KIF1C: variants seen among roughly 807,000 people sequenced by gnomAD.
KIF1C encodes kinesin-like protein KIF1C.
KIF1C carries 61 observed loss-of-function variants against 126.5 expected under a neutral mutation model. The observed-to-expected ratio is 0.48, with a 90% CI of 0.39 to 0.60. The LOEUF is 0.60. Ranked by LOEUF, KIF1C falls within the 20% of genes least tolerant of loss-of-function variation. KIF1C has a pLI of 0.00. For missense variants in KIF1C, 1,315 were observed against 1,489.2 expected (o/e 0.88, Z 1.93); for synonymous variants, 640 against 580.6 (o/e 1.10, Z -1.47).
chr17:5,004,875 A>C lies in KIF1C; in HGVS notation c.1040A>C (p.Gln347Pro). ...STLRYADRTK[Q>P]IRCNAIINED... is the part of the protein sequence containing the mutation. The stretch of plus-strand genomic sequence containing the variant: ...CCCAGGTATGCTGACCGCACCAAGC[A>C]AATCCGCTGCAATGCCATCATCAAC... Residue 347 changes from glutamine to proline, a missense_variant, in exon 13 of 23, where the codon CAA becomes CCA. Gln to Pro is a moderately conservative substitution (Grantham distance 76). Coordinates refer to ENST00000320785, the MANE Select transcript of KIF1C (RefSeq NM_006612.6). The C allele has an allele frequency of 6.2e-7, 1 of 1,614,248 alleles. No individual in the cohort carries two copies.
At position 5,023,759 on chromosome 17, in the gene KIF1C, G is replaced by A. The variant is rs550136320; in HGVS notation, c.2920G>A (p.Asp974Asn). 110 of 1,522,766 alleles carry A rather than the reference G, an allele frequency of 7.2e-5. 1 individual carries two copies. Among genetic ancestry groups the A allele is most frequent in the Admixed American group, 2.2e-4 (10 of 44,562 alleles). 94.3% of individuals were successfully genotyped at this position (1,522,766 alleles called of 1,614,324 possible). The change falls in exon 23 of 23, where the codon GAC (aspartate) becomes AAC (asparagine). Residue 974 changes from aspartate to asparagine, a missense_variant. Asp to Asn is a conservative substitution (Grantham distance 23). Coordinates refer to ENST00000320785, the MANE Select transcript of KIF1C (RefSeq NM_006612.6). This position sits in a 1 kb window ranked among gnomAD's most constrained non-coding sequence, Gnocchi z 4.2. ...CCCAGCCCGCTTTGTGCCCCCTCAC[G>A]ACTGCAAGCTACGCTTCCCCTTCAA... ...RPPARFVPPH[D>N]CKLRFPFKSN... is the part of the protein sequence containing the mutation.
At chr17:5,003,715 G>C (rs955824402) in intron 9 of KIF1C, 26 bp downstream of exon 9, 1 of 1,604,552 alleles carries the variant, frequency 6.2e-7, no homozygotes, top group African/African-American at 1.3e-5. Context: ...AGGGTGGTTT[G>C]TTGTGGGGCA....
chr17:5,011,304 G>T (rs1267741928), intron 16 of KIF1C, among the ~76,000 whole-genome samples: 1 of 152,120 alleles, frequency 6.6e-6, no homozygotes, highest in Non-Finnish European at 1.5e-5. Context: ...GCCTCCTCTT[G>T]CTAAGACCCC....
chr17:5,012,927 A>T (rs1340570261), intron 16 of KIF1C, among the ~76,000 whole-genome samples: 1 of 151,956 alleles, frequency 6.6e-6, no homozygotes, highest in Non-Finnish European at 1.5e-5. Context: ...CGTAACAATC[A>T]CTCAGGTGTT....
rs1268307080 is a variant in KIF1C, at chr17:5,001,299, A to G, written c.261A>G (p.Glu87=). 1 of 1,614,148 alleles carries G rather than the reference A, an allele frequency of 6.2e-7. No homozygotes were observed. The highest frequency in any genetic ancestry group is 1.1e-5 in the South Asian group (1 of 91,086). The part of the protein sequence containing the change: ...IGEEMLLHAF[E]GYNVCIFAYG... ...AAGAGATGCTGCTCCACGCCTTTGAAGGCTACAACGTGTGCATCTTTGCCT... is the reference window on the plus strand; with the variant it reads ...AAGAGATGCTGCTCCACGCCTTTGAGGGCTACAACGTGTGCATCTTTGCCT... Residue 87 remains glutamate (E), a synonymous_variant, in exon 5 of 23, where the codon GAA becomes GAG. Coordinates refer to ENST00000320785, the MANE Select transcript of KIF1C (RefSeq NM_006612.6).
rs553779877 is a variant in KIF1C, at chr17:5,023,716, C to G, written c.2877C>G (p.Gly959=). The change falls in exon 23 of 23, where the codon GGC becomes GGG. Residue 959 remains glycine, a synonymous_variant. Coordinates refer to ENST00000320785, the MANE Select transcript of KIF1C (RefSeq NM_006612.6). The surrounding 1 kb of genome is among the most constrained non-coding windows in gnomAD (Gnocchi z 4.2). The part of the protein sequence containing the change: ...LQGLQGSGGR[G]GGLRRPPARF... ...GACTGCAGGGCTCTGGGGGCCGGGG[C>G]GGGGGGCTGCGCAGGCCCCCAGCCC... 4 of 1,548,912 alleles carry G rather than the reference C, an allele frequency of 2.6e-6. No homozygotes were observed. In the South Asian group the frequency reaches 4.9e-5, roughly 19 times the overall value.
At chr17:5,012,782 TG>T (rs1974893936) in intron 16 of KIF1C, among the ~76,000 whole-genome samples, 1 of 152,034 alleles carries the variant, frequency 6.6e-6, no homozygotes, top group Non-Finnish European at 1.5e-5. Context: ...GTGGCATGAA[TG>T]GGGGTACAGA....
chr17:5,018,507 T>A (rs955469159), intron 18 of KIF1C, among the ~76,000 whole-genome samples: 1 of 151,700 alleles, frequency 6.6e-6, no homozygotes. Flanking sequence ...CTGACCAACA[T>A]GGAGAAACCC....
intron 1 of KIF1C, chr17:4,998,872 C>G (rs1368968841): frequency 6.6e-6 from 1 of 152,580 alleles, no homozygotes; most frequent in Non-Finnish European, 1.5e-5. Context: ...CTCAGCCTCT[C>G]CTCCCAGGGT....
At chr17:5,013,791 G>T in intron 17 of KIF1C, 59 bp downstream of exon 17, 2 of 1,362,020 alleles carry the variant, frequency 1.5e-6, no homozygotes, top group South Asian at 1.2e-5. Flanking sequence ...GGCTGCCAAG[G>T]GTTGTCCACA....
chr17:5,006,866 A>G, intron 13 of KIF1C, 49 bp from the exon 14 acceptor site: 1 of 1,590,422 alleles, frequency 6.3e-7, no homozygotes, highest in Non-Finnish European at 8.6e-7. Flanking sequence ...GTCTCTCATC[A>G]GCTCCTTCTT....
chr17:5,004,292 T>C (rs575321644), intron 11 of KIF1C, among the ~76,000 whole-genome samples: 42 of 152,284 alleles, frequency 2.8e-4, no homozygotes, highest in Admixed American at 2.5e-3. Flanking sequence ...TGGCTACTCA[T>C]GACCCCTCCC....
Position 5,020,944 on chromosome 17 carries a change from C to A in KIF1C, c.2010+66C>A. The A allele has an allele frequency of 7.2e-7, 1 of 1,385,026 alleles. No homozygotes were observed. Among genetic ancestry groups the A allele is most frequent in the Non-Finnish European group, 1.0e-6 (1 of 996,202 alleles). The allele number at this position is 1,385,026 out of a possible 1,614,324, so 85.8% of individuals were successfully genotyped here. A position where few individuals can be genotyped will look rare whatever the true frequency, so the allele number is the denominator to read the frequency against. On this transcript the variant is annotated intron_variant, in intron 21 of 22. Transcript: ENST00000320785. This position sits in a 1 kb window ranked among gnomAD's most constrained non-coding sequence, Gnocchi z 5.8. ...TGAGCCGCAAGCCTGAGTCCGAGTG[C>A]AGTGCTCACCGCTGAGCCAGAGTGG... is the stretch of plus-strand genomic sequence containing the variant.
intron 13 of KIF1C, among the ~76,000 whole-genome samples, chr17:5,005,263 A>G (rs182605510): frequency 7.9e-5 from 12 of 152,368 alleles, no homozygotes; most frequent in African/African-American, 2.6e-4. Flanking sequence ...CTGTTACAGG[A>G]AAAAATGGCA....
intron 16 of KIF1C, among the ~76,000 whole-genome samples, chr17:5,009,663 C>T (rs1974816717): frequency 6.6e-6 from 1 of 151,038 alleles, no homozygotes; most frequent in Admixed American, 6.6e-5. Context: ...TGGCGGGCGC[C>T]TGTAGTCCCA....
rs763091350 is a variant in KIF1C, at chr17:5,007,216, C to T, written c.1336-47C>T. The T allele has an allele frequency of 3.2e-6, 5 of 1,582,336 alleles. No homozygotes were observed. The South Asian group carries it at 5.6e-5, about 18-fold the overall frequency. ...AGGGTAGGTTGTCCCTACCCTGGGT[C>T]TGCTTGTCCCAGACCATCCTGAAAC... On this transcript the variant is annotated intron_variant, in intron 14 of 22. Transcript: ENST00000320785.
intron 8 of KIF1C, 45 bp downstream of exon 8, chr17:5,002,887 C>T (rs1290612271): frequency 1.4e-6 from 2 of 1,473,162 alleles, no homozygotes; most frequent in South Asian, 1.1e-5. Context: ...TGCAACCTCC[C>T]CTGGCAACAG....
rs990768881 is a variant in KIF1C at position 5,007,023 on chromosome 17, C to T, written c.1274C>T (p.Pro425Leu). Residue 425 changes from proline (P) to leucine (L), a missense_variant, in exon 14 of 23, where the codon CCG becomes CTG. Physicochemically the swap from Pro to Leu is moderately conservative, Grantham distance 98 (BLOSUM62 -3). This residue lies in a region of KIF1C where 874 missense variants were observed against 1,053.2 expected (regional missense o/e 0.83). Coordinates refer to ENST00000320785, the MANE Select transcript of KIF1C (RefSeq NM_006612.6). ...SPTTHNGELEPSFSPNTESQI... is the reference protein window; with the variant it reads ...SPTTHNGELELSFSPNTESQI... ...ACCACACATAATGGGGAGCTGGAGC[C>T]GTCATTCTCCCCCAACACGGAGTCC... The T allele has an allele frequency of 1.2e-5, 19 of 1,609,290 alleles. No homozygotes were observed. The highest frequency in any genetic ancestry group is 1.7e-4 in the Middle Eastern group (1 of 6,060).
At chr17:5,019,966 T>C in intron 18 of KIF1C, 30 bp from the exon 19 acceptor site, 1 of 1,562,224 alleles carries the variant, frequency 6.4e-7, no homozygotes, top group Non-Finnish European at 8.7e-7. Flanking sequence ...CAGGGTCTAA[T>C]CTTTCCCCTT....
Sources: gnomAD v4.1 joint callset for allele counts (sites outside exome capture counted in the v4.1 genomes callset) on GRCh38, gnomAD v4.1.1 for gene constraint, gnomAD v4.1.1 regional missense constraint, Gnocchi (gnomAD v3.1) non-coding constraint, MANE v1.5 for transcripts, NCBI Gene and HGNC (gene_info 2026-07-23, HGNC 2026-07-21) for gene names.